TBC1D5: variants seen among roughly 807,000 people sequenced by gnomAD.
TBC1D5 encodes TBC1 domain family, member 5.
TBC1D5 carries 75 observed loss-of-function variants against 100.3 expected under a neutral mutation model. The ratio of observed to expected loss-of-function variants is 0.75; its 90% CI spans 0.62 to 0.91. TBC1D5 has a LOEUF of 0.91. Among genes scored for constraint, TBC1D5 ranks in the 40% least tolerant of loss-of-function variants. The pLI is 0.00. For synonymous variants in TBC1D5, 323 were observed against 325.6 expected (o/e 0.99, Z 0.09); for missense variants, 910 against 942.4 (o/e 0.97, Z 0.45).
intron 2 of TBC1D5, among the ~76,000 whole-genome samples, chr3:17,579,351 A>T (rs1233935105): frequency 6.6e-6 from 1 of 152,070 alleles, no homozygotes; most frequent in Non-Finnish European, 1.5e-5. Flanking sequence ...TTCAATTATT[A>T]TGGGTTAATT....
rs553385864 is a variant in TBC1D5 at position 17,438,577 on chromosome 3, T to C, written c.98-10058A>G. Among the ~76,000 whole-genome samples the C allele has an allele frequency of 3.5e-3, 532 of 152,346 alleles. 4 individuals carry two copies. Among genetic ancestry groups the C allele is most frequent in the African/African-American group, 0.012 (504 of 41,588 alleles). Reference sequence around the variant, plus strand: ...GACATGTTTGCTTTGCCTTCCACCATAATTGTAAGTTTCCTGAGGCCTCCC... The same window carrying C: ...GACATGTTTGCTTTGCCTTCCACCACAATTGTAAGTTTCCTGAGGCCTCCC... On this transcript the variant is annotated intron_variant, in intron 3 of 21. Coordinates refer to ENST00000253692, the Ensembl canonical transcript of TBC1D5.
chr3:17,479,380 G>A (rs918471984), intron 3 of TBC1D5, among the ~76,000 whole-genome samples: 1 of 152,186 alleles, frequency 6.6e-6, no homozygotes, highest in Non-Finnish European at 1.5e-5. Flanking sequence ...ACAAGCCTGG[G>A]TGAGAGACAC....
chr3:17,621,594 CT>C (rs1401660582), intron 2 of TBC1D5, among the ~76,000 whole-genome samples: 9 of 152,192 alleles, frequency 5.9e-5, no homozygotes, highest in African/African-American at 2.2e-4. Context: ...CCAATCTTAC[CT>C]TTTGAAATTC....
intron 14 of TBC1D5, among the ~76,000 whole-genome samples, chr3:17,306,253 A>C (rs977234342): frequency 2.0e-5 from 3 of 152,088 alleles, no homozygotes; most frequent in African/African-American, 7.2e-5. Flanking sequence ...TTTCCACACT[A>C]CCTGTCCACA....
chr3:17,632,155 A>G (rs1386700789), intron 1 of TBC1D5, among the ~76,000 whole-genome samples: 1 of 152,220 alleles, frequency 6.6e-6, no homozygotes, highest in Non-Finnish European at 1.5e-5. Flanking sequence ...GGAGTTTGGA[A>G]AAAGATTATT....
In TBC1D5 at chr3:17,281,098, C is replaced by T. The variant is rs187904564; in HGVS notation, c.1245+10797G>A. Among the ~76,000 whole-genome samples the T allele has an allele frequency of 4.0e-3, 611 of 152,294 alleles. 7 individuals carry two copies. Among genetic ancestry groups the T allele is most frequent in the East Asian group, 0.024 (126 of 5,174 alleles). ...TAGCTCCAGAGAGGGCACACCAGTT[C>T]CCACCCGTGAAGGGGTCAGGGAAAA... On this transcript the variant is annotated intron_variant, in intron 15 of 21. Transcript: ENST00000253692.
chr3:17,704,679 G>A (rs1333995198), intron 1 of TBC1D5, among the ~76,000 whole-genome samples: 7 of 67,556 alleles, frequency 1.0e-4, no homozygotes, highest in African/African-American at 1.5e-4. Context: ...CCCGGACGGG[G>A]CGGCTGGCCG....
intron 19 of TBC1D5, among the ~76,000 whole-genome samples, chr3:17,182,214 A>G (rs2068530022): frequency 6.6e-6 from 1 of 152,154 alleles, no homozygotes; most frequent in Non-Finnish European, 1.5e-5. Context: ...TGGAGCCAGG[A>G]ATTCTTGGTA....
chr3:17,283,464 G>C (rs2149963739), intron 15 of TBC1D5, among the ~76,000 whole-genome samples: 1 of 152,270 alleles, frequency 6.6e-6, no homozygotes, highest in East Asian at 1.9e-4. Flanking sequence ...AACTGACTGA[G>C]ACTGGTGGTA....
chr3:17,403,965 C>T (rs115467130), intron 7 of TBC1D5, among the ~76,000 whole-genome samples: 433 of 152,128 alleles, frequency 2.8e-3, no homozygotes, highest in African/African-American at 0.01. Context: ...CTAAGAAAGA[C>T]GGGTTAAGTT....
At chr3:17,695,624 C>T in intron 1 of TBC1D5, among the ~76,000 whole-genome samples, 1 of 152,166 alleles carries the variant, frequency 6.6e-6, no homozygotes, top group Non-Finnish European at 1.5e-5. Context: ...TACAAAGAGA[C>T]TTAGACTCCC....
At chr3:17,164,233 C>T (rs1261716833) in intron 21 of TBC1D5, among the ~76,000 whole-genome samples, 3 of 152,182 alleles carry the variant, frequency 2.0e-5, no homozygotes, top group African/African-American at 7.2e-5. Context: ...AGAACACTTT[C>T]ACAGTTGCTT....
chr3:17,640,401 T>C (rs2064380430), intron 1 of TBC1D5, among the ~76,000 whole-genome samples: 2 of 152,132 alleles, frequency 1.3e-5, no homozygotes, highest in Admixed American at 1.3e-4. Flanking sequence ...GTTTCAAAGA[T>C]TTATTTTAAT....
intron 2 of TBC1D5, among the ~76,000 whole-genome samples, chr3:17,554,783 A>G (rs958430975): frequency 3.3e-5 from 5 of 152,194 alleles, no homozygotes; most frequent in African/African-American, 9.6e-5. Flanking sequence ...TGTCACTGAC[A>G]GTTTCCTTGT....
intron 18 of TBC1D5, among the ~76,000 whole-genome samples, chr3:17,206,753 TAG>T (rs918115927): frequency 8.5e-5 from 13 of 152,302 alleles, no homozygotes; most frequent in Admixed American, 8.5e-4. Context: ...TCCTGTGGTT[TAG>T]AGAGGATTCT....
intron 1 of TBC1D5, among the ~76,000 whole-genome samples, chr3:17,626,511 C>G (rs1160902303): frequency 6.6e-6 from 1 of 152,052 alleles, no homozygotes; most frequent in Non-Finnish European, 1.5e-5. Context: ...AGGACTTAGA[C>G]CCAAGTGAAA....
intron 1 of TBC1D5, among the ~76,000 whole-genome samples, chr3:17,724,113 T>C (rs1369086253): frequency 1.3e-5 from 2 of 149,730 alleles, no homozygotes; most frequent in Non-Finnish European, 3.0e-5. Context: ...ACTCTCACTC[T>C]GTGTTATCCA....
intron 4 of TBC1D5, among the ~76,000 whole-genome samples, chr3:17,417,057 AGTT>A (rs2149202705): frequency 6.6e-6 from 1 of 152,326 alleles, no homozygotes; most frequent in African/African-American, 2.4e-5. Flanking sequence ...AGGCAATAGT[AGTT>A]ATTTTGGAGA....
intron 13 of TBC1D5, among the ~76,000 whole-genome samples, chr3:17,354,417 G>A (rs1022115975): frequency 6.6e-6 from 1 of 151,882 alleles, no homozygotes; most frequent in Non-Finnish European, 1.5e-5. Flanking sequence ...TCTTTTAAAT[G>A]CTTAATATAA....
Sources: allele counts gnomAD v4.1 joint callset (sites outside exome capture counted in the v4.1 genomes callset), GRCh38; gene constraint gnomAD v4.1.1; transcripts MANE v1.5; gene names NCBI Gene and HGNC (gene_info 2026-07-23, HGNC 2026-07-21).